The following NPC1L1 variants were observed in gnomAD, a reference collection of about 807,000 sequenced individuals.
The protein encoded by NPC1L1 is NPC1 like intracellular cholesterol transporter 1.
In NPC1L1, 98 loss-of-function variants were observed where a neutral mutation model predicts 117.0. That is an observed-to-expected ratio of 0.84 (90% CI 0.71 to 0.99). The LOEUF (loss-of-function observed/expected upper bound fraction) is 0.99. Ranked by LOEUF, NPC1L1 falls within the 50% of genes least tolerant of loss-of-function variation. The probability of loss-of-function intolerance (pLI) is 0.00; values close to 1 mark genes in which losing one functional copy is unlikely to be tolerated. For synonymous variants in NPC1L1, 729 were observed against 727.6 expected (o/e 1.00, Z -0.03); for missense variants, 1,540 against 1,710.0 (o/e 0.90, Z 1.75).
chr7:44,516,528 C>A (rs1286346622), intron 16 of NPC1L1, among the ~76,000 whole-genome samples, 175 bp downstream of exon 16: 1 of 152,104 alleles, frequency 6.6e-6, no homozygotes, highest in Non-Finnish European at 1.5e-5. Flanking sequence ...ATCGCTTGAG[C>A]CCAAGGGTTC....
At chr7:44,516,670 G>C in intron 16 of NPC1L1, 33 bp downstream of exon 16, 1 of 1,545,518 alleles carries the variant, frequency 6.5e-7, no homozygotes, top group South Asian at 1.2e-5. Flanking sequence ...CACCCCTCCA[G>C]AGGCCCCCTG....
At chr7:44,528,547 G>A (rs1190930846) in intron 10 of NPC1L1, among the ~76,000 whole-genome samples, 1 of 152,072 alleles carries the variant, frequency 6.6e-6, no homozygotes, top group Admixed American at 6.6e-5. Flanking sequence ...AATCCCCATG[G>A]TAATCACAAA....
chr7:44,517,383 T>C lies in NPC1L1; in HGVS notation c.3137-26A>G, dbSNP rs996598146. On this transcript the variant is annotated intron_variant, in intron 14 of 18. Coordinates refer to ENST00000381160, the MANE Select transcript of NPC1L1 (RefSeq NM_001101648.2). ...CTGGACAGCCATGGCACACAGAAGA[T>C]GGAAGGGCAAAGGTCAGAGCCCTTT... 1.9e-6 allele frequency: 3 copies of C among 1,606,730 alleles called. No homozygotes were observed. The African/African-American group carries it at 4.0e-5, about 21-fold the overall frequency.
In NPC1L1 at chr7:44,538,048, G is replaced by T. The variant is rs74916626; in HGVS notation, c.1580+769C>A. Among the ~76,000 whole-genome samples, 467 of 152,366 alleles carry T rather than the reference G, an allele frequency of 3.1e-3. 3 individuals carry two copies. Among genetic ancestry groups the T allele is most frequent in the African/African-American group, 0.01 (432 of 41,598 alleles). ...GTCCTGGAGACCCTTTCCAGGGTCT[G>T]TAAGGTCAGAACTGTTTTCATAATA... On this transcript the variant is annotated intron_variant, in intron 2 of 18. Coordinates refer to ENST00000381160, the MANE Select transcript of NPC1L1 (RefSeq NM_001101648.2). This position sits in a 1 kb window ranked among gnomAD's most constrained non-coding sequence, Gnocchi z 5.9.
intron 10 of NPC1L1, among the ~76,000 whole-genome samples, chr7:44,524,073 C>T (rs934632463): frequency 1.3e-5 from 2 of 152,136 alleles, no homozygotes; most frequent in African/African-American, 2.4e-5. Context: ...TCATTTTTCC[C>T]TTTTTCTCCT....
At chr7:44,540,695 C>T (rs535956635) in intron 1 of NPC1L1, among the ~76,000 whole-genome samples, 4 of 152,152 alleles carry the variant, frequency 2.6e-5, no homozygotes, top group African/African-American at 7.2e-5. Context: ...GCCAGGGTCT[C>T]TCATGGAGAG....
chr7:44,521,835 A>G lies in NPC1L1; in HGVS notation c.2830T>C (p.Ser944Pro), dbSNP rs1391156989. The G allele has an allele frequency of 2.5e-6, 4 of 1,614,020 alleles. No homozygotes were observed. The highest frequency in any genetic ancestry group is 3.4e-6 in the Non-Finnish European group (4 of 1,179,998). Residue 944 changes from serine (S) to proline (P), a missense_variant and splice_region_variant, in exon 12 of 19, where the codon TCT becomes CCT. Coordinates refer to ENST00000381160, the MANE Select transcript of NPC1L1 (RefSeq NM_001101648.2). ...IQYATEFPEQ[S>P]YLAIPASSWV... ...GAGGAGGCAGGGATGGCCAGGTAAGACCTAAGGGGCAGGTGGGAGGAAGGG... is the reference window on the plus strand; with the variant it reads ...GAGGAGGCAGGGATGGCCAGGTAAGGCCTAAGGGGCAGGTGGGAGGAAGGG...
At position 44,536,182 on chromosome 7, in the gene NPC1L1, A is replaced by G; in HGVS notation, c.1854+74T>C. ...GGGTCACTTAGGAAGGGCCAGGGCCAGGATGGGGACACAGGAACTGACCCA... is the reference window on the plus strand; with the variant it reads ...GGGTCACTTAGGAAGGGCCAGGGCCGGGATGGGGACACAGGAACTGACCCA... On this transcript the variant is annotated intron_variant, in intron 4 of 18. Coordinates refer to ENST00000381160, the MANE Select transcript of NPC1L1 (RefSeq NM_001101648.2). This position sits in a 1 kb window ranked among gnomAD's most constrained non-coding sequence, Gnocchi z 4.7. 1.2e-6 allele frequency: 2 copies of G among 1,602,980 alleles called. No homozygotes were observed. Among genetic ancestry groups the G allele is most frequent in the Non-Finnish European group, 1.7e-6 (2 of 1,171,882 alleles).
At position 44,539,673 on chromosome 7, in the gene NPC1L1, G is replaced by A. The variant is rs139036479; in HGVS notation, c.724C>T (p.Arg242Cys). The A allele has an allele frequency of 3.5e-5, 56 of 1,613,960 alleles. No individual in the cohort carries two copies. In the Middle Eastern group the frequency reaches 1.5e-3, roughly 43 times the overall value. ...TCGTCACCTTGGGACTCATTGCAAC[G>A]TGCAACCCCCTCATTCAGAGGCTGA... Reference protein sequence around the residue: ...GIQPLNEGVARCNESQGDDVA... With the variant: ...GIQPLNEGVACCNESQGDDVA... The change falls in exon 2 of 19, where the codon CGT (arginine) becomes TGT (cysteine). Residue 242 changes from arginine (R) to cysteine (C), a missense_variant. By Grantham distance (180) the Arg-to-Cys change is radical. Coordinates refer to ENST00000381160, the MANE Select transcript of NPC1L1 (RefSeq NM_001101648.2). The surrounding 1 kb of genome is among the most constrained non-coding windows in gnomAD (Gnocchi z 4.4).
At position 44,513,665 on chromosome 7, in the gene NPC1L1, G is replaced by A; in HGVS notation, c.3797-16C>T. The A allele has an allele frequency of 1.2e-6, 2 of 1,610,888 alleles. No homozygotes were observed. The highest frequency in any genetic ancestry group is 1.7e-6 in the Non-Finnish European group (2 of 1,179,888). On this transcript the variant is annotated splice_polypyrimidine_tract_variant and intron_variant, in intron 18 of 18. Transcript: ENST00000381160. Reference sequence around the variant, plus strand: ...ACGTCAGGCCCTGCGGAGAGACAGAGAACCACAGTCAGAGAGGTGGGCAGG... The same window carrying A: ...ACGTCAGGCCCTGCGGAGAGACAGAAAACCACAGTCAGAGAGGTGGGCAGG...
Position 44,534,554 on chromosome 7 carries a change from A to G in NPC1L1, c.2059T>C (p.Phe687Leu), listed in dbSNP as rs1360694740. The G allele has an allele frequency of 3.1e-6, 5 of 1,614,072 alleles. No individual in the cohort carries two copies. The African/African-American group carries it at 6.7e-5, about 22-fold the overall frequency. ...GAGGAGCGGATACCCAAGTAGGAGAAGAAGCCCATGGCAGCCATGACTGCT... is the reference window on the plus strand; with the variant it reads ...GAGGAGCGGATACCCAAGTAGGAGAGGAAGCCCATGGCAGCCATGACTGCT... ...LGAVMAAMGF[F>L]SYLGIRSSLV... The change falls in exon 6 of 19, where the codon TTC (phenylalanine) becomes CTC (leucine). Residue 687 changes from phenylalanine to leucine, a missense_variant. By Grantham distance (22) the Phe-to-Leu change is conservative. Around this residue, in one of 3 missense-constraint regions of NPC1L1, gnomAD observed 742 missense variants for 873.6 expected, o/e 0.85. Coordinates refer to ENST00000381160, the MANE Select transcript of NPC1L1 (RefSeq NM_001101648.2). This position sits in a 1 kb window ranked among gnomAD's most constrained non-coding sequence, Gnocchi z 5.2.
chr7:44,538,716 C>T lies in NPC1L1; in HGVS notation c.1580+101G>A, dbSNP rs978625853. ...AGCCGTAGGAATAGCTACCTCTGGTCCTTCAGGACCAGCTGTATGCCCGGC... is the reference window on the plus strand; with the variant it reads ...AGCCGTAGGAATAGCTACCTCTGGTTCTTCAGGACCAGCTGTATGCCCGGC... On this transcript the variant is annotated intron_variant, in intron 2 of 18. Transcript: ENST00000381160. The surrounding 1 kb of genome is among the most constrained non-coding windows in gnomAD (Gnocchi z 5.9). 2.5e-6 allele frequency: 3 copies of T among 1,190,284 alleles called. No homozygotes were observed. The African/African-American group carries it at 4.5e-5, about 18-fold the overall frequency. The allele number at this position is 1,190,284 out of a possible 1,614,324, so 73.7% of individuals were successfully genotyped here.
chr7:44,529,810 C>G (rs573223504), intron 10 of NPC1L1, among the ~76,000 whole-genome samples: 1 of 150,796 alleles, frequency 6.6e-6, no homozygotes. Flanking sequence ...GCAAAGCAGG[C>G]AGATCACAAG....
rs376970157 is a variant in NPC1L1, at chr7:44,522,173, C to G, written c.2707G>C (p.Val903Leu). The G allele has an allele frequency of 1.2e-6, 2 of 1,613,938 alleles. No homozygotes were observed. Among genetic ancestry groups the G allele is most frequent in the Non-Finnish European group, 1.7e-6 (2 of 1,179,944 alleles). Residue 903 changes from valine (V) to leucine (L), a missense_variant, in exon 11 of 19, where the codon GTT becomes CTT. Val to Leu is a conservative substitution (Grantham distance 32). This residue lies in a region of NPC1L1 where 742 missense variants were observed against 873.6 expected (regional missense o/e 0.85). Coordinates refer to ENST00000381160, the MANE Select transcript of NPC1L1 (RefSeq NM_001101648.2). ...GAGAAGTTGTAGCCCAAGGTGGTAA[C>G]AAAGTACACCGGGGCCCCCACCTCG... ...YFEVGAPVYF[V>L]TTLGYNFSSE...
rs534292235 is a variant in NPC1L1 at position 44,522,938 on chromosome 7, T to G, written c.2638-696A>C. On this transcript the variant is annotated intron_variant, in intron 10 of 18. Coordinates refer to ENST00000381160, the MANE Select transcript of NPC1L1 (RefSeq NM_001101648.2). The stretch of plus-strand genomic sequence containing the variant: ...AGCCATGCACCAGGCATCCTCATGG[T>G]CTGCTCCCTTCTATAACATAAAGGC... Among the ~76,000 whole-genome samples the G allele has an allele frequency of 6.6e-5, 10 of 152,362 alleles. No homozygotes were observed. The East Asian group carries it at 1.5e-3, about 23-fold the overall frequency.
chr7:44,529,239 A>G (rs1801622497), intron 10 of NPC1L1, among the ~76,000 whole-genome samples: 1 of 151,916 alleles, frequency 6.6e-6, no homozygotes, highest in Non-Finnish European at 1.5e-5. Context: ...AACGTGATCT[A>G]ACTATATGCT....
intron 10 of NPC1L1, among the ~76,000 whole-genome samples, chr7:44,523,719 T>C (rs1226995668): frequency 1.3e-5 from 2 of 152,070 alleles, no homozygotes; most frequent in Non-Finnish European, 2.9e-5. Flanking sequence ...ATACAAAAGT[T>C]AGCTGGGTGT....
Position 44,538,678 on chromosome 7 carries a change from G to A in NPC1L1, c.1580+139C>T, listed in dbSNP as rs1462801901. 53 of 837,098 alleles carry A rather than the reference G, an allele frequency of 6.3e-5. 1 individual carries two copies. Among genetic ancestry groups the A allele is most frequent in the Admixed American group, 5.9e-4 (31 of 52,966 alleles). 51.9% of individuals were successfully genotyped at this position (837,098 alleles called of 1,614,324 possible). On this transcript the variant is annotated intron_variant, in intron 2 of 18. Coordinates refer to ENST00000381160, the MANE Select transcript of NPC1L1 (RefSeq NM_001101648.2). The surrounding 1 kb of genome is among the most constrained non-coding windows in gnomAD (Gnocchi z 5.9). ...GAGGGGCAGAGATAATCATCTGGGC[G>A]GCCCCAGGCCAGAGCCGTAGGAATA...
chr7:44,541,234 C>T lies in NPC1L1; in HGVS notation c.26G>A (p.Trp9Ter). ...GCGCAGGAGCAGGGCCCACAGCAGC[C>T]AGCCCCTCAGGCCGGCCTCCGCCAT... MAEAGLRG[W>*]LLWALLLRLA... The change falls in exon 1 of 19, where the codon TGG (tryptophan) becomes TAG (stop). Residue 9 changes from tryptophan to a stop codon, truncating the protein, a stop_gained. Transcript: ENST00000381160. LOFTEE classifies it high-confidence loss of function. The T allele has an allele frequency of 6.5e-7, 1 of 1,549,974 alleles. No individual in the cohort carries two copies. Among genetic ancestry groups the T allele is most frequent in the Non-Finnish European group, 8.7e-7 (1 of 1,146,816 alleles).
Sources: gnomAD v4.1 joint callset for allele counts (sites outside exome capture counted in the v4.1 genomes callset) on GRCh38, gnomAD v4.1.1 for gene constraint, gnomAD v4.1.1 regional missense constraint, Gnocchi (gnomAD v3.1) non-coding constraint, MANE v1.5 for transcripts, NCBI Gene and HGNC (gene_info 2026-07-23, HGNC 2026-07-21) for gene names.